EME2: variants seen among roughly 807,000 people sequenced by gnomAD.
EME2 encodes essential meiotic structure-specific endonuclease subunit 2.
Under a neutral mutation model 41.9 loss-of-function variants are expected in EME2, and 58 were observed. The ratio of observed to expected loss-of-function variants is 1.38; its 90% CI spans 1.12 to 1.72. The LOEUF (loss-of-function observed/expected upper bound fraction) is 1.72. Ranked by LOEUF, EME2 falls within the 40% of genes most tolerant of loss-of-function variation. The pLI is 0.00. For synonymous variants in EME2, 334 were observed against 239.3 expected (o/e 1.40, Z -3.65); for missense variants, 695 against 541.9 (o/e 1.28, Z -2.81).
In EME2 at chr16:1,778,729, G is replaced by A; in HGVS notation, c.*2491G>A. 8.4e-7 allele frequency: 1 copy of A among 1,187,688 alleles called. No individual in the cohort carries two copies. Among genetic ancestry groups the A allele is most frequent in the Non-Finnish European group, 1.1e-6 (1 of 872,226 alleles). The allele number at this position is 1,187,688 out of a possible 1,614,324, so 73.6% of individuals were successfully genotyped here. On this transcript the variant is annotated 3_prime_UTR_variant, in exon 8 of 8. Transcript: ENST00000568449. ...CACCCAGGAAAGGATGGGGGTCCAG[G>A]CCTCCAGGGACTTCACAGTACCCCG...
chr16:1,775,163 CT>C, intron 4 of EME2, 31 bp downstream of exon 4: 1 of 1,607,394 alleles, frequency 6.2e-7, no homozygotes, highest in East Asian at 2.2e-5. Flanking sequence ...CACAGCAGGG[CT>C]GGCTGGGACG....
chr16:1,781,547 C>T lies in EME2; in HGVS notation c.*5309C>T. The T allele has an allele frequency of 1.3e-6, 2 of 1,575,274 alleles. No individual in the cohort carries two copies. The highest frequency in any genetic ancestry group is 1.2e-5 in the South Asian group (1 of 86,362). The stretch of plus-strand genomic sequence containing the variant: ...AAGGAAGACTCACAGCACTCCCAGC[C>T]CTGAGCTTCCAGGCTGGGCCACGGA... On this transcript the variant is annotated 3_prime_UTR_variant, in exon 8 of 8. Transcript: ENST00000568449.
At chr16:1,775,491 G>T in intron 5 of EME2, 78 bp from the exon 6 acceptor site, 1 of 1,595,220 alleles carries the variant, frequency 6.3e-7, no homozygotes. Context: ...TCCCAGCGTG[G>T]TACATGGGGC....
At position 1,774,334 on chromosome 16, in the gene EME2, C is replaced by T. The variant is rs768776443; in HGVS notation, c.459C>T (p.Gly153=). 2 of 1,612,554 alleles carry T rather than the reference C, an allele frequency of 1.2e-6. No individual in the cohort carries two copies. The highest frequency in any genetic ancestry group is 1.1e-5 in the South Asian group (1 of 91,092). The change falls in exon 3 of 8, where the codon GGC becomes GGT. Residue 153 remains glycine, a synonymous_variant. Transcript: ENST00000568449. The stretch of plus-strand genomic sequence containing the variant: ...TGGAGCCCGAGGAGTTTCTGCAGGG[C>T]GTCGCCACACTGACCCAGGTGCTCG... The part of the protein sequence containing the change: ...LLLEPEEFLQ[G]VATLTQISGP...
rs1173398562 is a variant in EME2, at chr16:1,777,841, G to A, written c.*1603G>A. 18 of 1,612,834 alleles carry A rather than the reference G, an allele frequency of 1.1e-5. No individual in the cohort carries two copies. In the East Asian group the frequency reaches 3.6e-4, roughly 32 times the overall value. ...AGCCCTGGCCGAACCGCGATGAGAA[G>A]CTGGTCTTGTCGCCCTTGTGGTGGA... is the stretch of plus-strand genomic sequence containing the variant. On this transcript the variant is annotated 3_prime_UTR_variant, in exon 8 of 8. Transcript: ENST00000568449.
Position 1,780,067 on chromosome 16 carries a change from A to G in EME2, c.*3829A>G, listed in dbSNP as rs1896662217. On this transcript the variant is annotated 3_prime_UTR_variant, in exon 8 of 8. Coordinates refer to ENST00000568449, the MANE Select transcript of EME2 (RefSeq NM_001257370.2). ...TCCCAGGACACCTGGCTGAGCCGGA[A>G]CAGCAGCGCAGGGGAGCTGTGACAG... The G allele has an allele frequency of 1.3e-5, 2 of 152,288 alleles. No homozygotes were observed. Among genetic ancestry groups the G allele is most frequent in the Admixed American group, 1.3e-4 (2 of 15,270 alleles). 9.4% of individuals were successfully genotyped at this position (152,288 alleles called of 1,614,324 possible).
At position 1,777,100 on chromosome 16, in the gene EME2, G is replaced by C. The variant is rs759320670; in HGVS notation, c.*862G>C. The C allele has an allele frequency of 1.2e-6, 2 of 1,610,760 alleles. No individual in the cohort carries two copies. The highest frequency in any genetic ancestry group is 3.3e-5 in the Admixed American group (2 of 59,942). ...GGCAGTTCCACTGGGAAGTCAGTCA[G>C]GTCCGGCGGCAGCGCTTCCTCTGGC... On this transcript the variant is annotated 3_prime_UTR_variant, in exon 8 of 8. Coordinates refer to ENST00000568449, the MANE Select transcript of EME2 (RefSeq NM_001257370.2).
In EME2 at chr16:1,781,571, G is replaced by C; in HGVS notation, c.*5333G>C. ...CCCTGAGCTTCCAGGCTGGGCCACG[G>C]ACCCACTCAAAGTGGGGACTGCAGG... On this transcript the variant is annotated 3_prime_UTR_variant, in exon 8 of 8. Coordinates refer to ENST00000568449, the MANE Select transcript of EME2 (RefSeq NM_001257370.2). 2 of 1,518,040 alleles carry C rather than the reference G, an allele frequency of 1.3e-6. No individual in the cohort carries two copies. The highest frequency in any genetic ancestry group is 8.9e-7 in the Non-Finnish European group (1 of 1,124,628). The allele number at this position is 1,518,040 out of a possible 1,614,324, so 94.0% of individuals were successfully genotyped here. A position where few individuals can be genotyped will look rare whatever the true frequency, so the allele number is the denominator to read the frequency against.
chr16:1,777,028 G>T lies in EME2; in HGVS notation c.*790G>T. 2 of 1,526,588 alleles carry T rather than the reference G, an allele frequency of 1.3e-6. No homozygotes were observed. 94.6% of individuals were successfully genotyped at this position (1,526,588 alleles called of 1,614,324 possible). A position where few individuals can be genotyped will look rare whatever the true frequency, so the allele number is the denominator to read the frequency against. On this transcript the variant is annotated 3_prime_UTR_variant, in exon 8 of 8. Transcript: ENST00000568449. The stretch of plus-strand genomic sequence containing the variant: ...CCCTGGAGTGTGGCTGGAAGGAAGG[G>T]ACAGAGAAAGAAGGGACAGAGGAAA...
chr16:1,773,947 T>A (rs1487756454), intron 2 of EME2, 106 bp downstream of exon 2: 8 of 1,368,892 alleles, frequency 5.8e-6, no homozygotes, highest in Non-Finnish European at 7.7e-6. Context: ...GCCGTGCGCG[T>A]CTCGCGGATG....
chr16:1,773,871 C>A, intron 2 of EME2, 30 bp downstream of exon 2: 1 of 1,517,180 alleles, frequency 6.6e-7, no homozygotes, highest in Non-Finnish European at 8.8e-7. Context: ...CGAGGGCCAG[C>A]CGCGAGTTGG....
chr16:1,775,501 CAGCTATCAGCTGTGTGTCCCGGGT>C (rs1335723392), intron 5 of EME2, 44 bp from the exon 6 acceptor site: 1 of 1,592,654 alleles, frequency 6.3e-7, no homozygotes, highest in African/African-American at 1.3e-5. Flanking sequence ...GTACATGGGG[CAGCTATCAGCTGTGTGTCCCGGGT>C]AGCCTTCCTC....
In EME2 at chr16:1,781,156, G is replaced by A; in HGVS notation, c.*4918G>A. ...TGTTCTGAGGTCCTGTCACCCCTGA[G>A]GCTGTGTGTGTCCTTTGCCAAATTA... On this transcript the variant is annotated 3_prime_UTR_variant, in exon 8 of 8. Coordinates refer to ENST00000568449, the MANE Select transcript of EME2 (RefSeq NM_001257370.2). 14 of 1,527,076 alleles carry A rather than the reference G, an allele frequency of 9.2e-6. No individual in the cohort carries two copies. The highest frequency in any genetic ancestry group is 3.9e-5 in the Admixed American group (2 of 50,806). The allele number at this position is 1,527,076 out of a possible 1,614,324, so 94.6% of individuals were successfully genotyped here. A position where few individuals can be genotyped will look rare whatever the true frequency, so the allele number is the denominator to read the frequency against.
Position 1,781,363 on chromosome 16 carries a change from C to T in EME2, c.*5125C>T. ...CCTCGCCCGCTGGAACCTACCTGCC[C>T]ATCAGAGTCGTAGCCCCAGTTAGTG... On this transcript the variant is annotated 3_prime_UTR_variant, in exon 8 of 8. Transcript: ENST00000568449. 1 of 1,612,950 alleles carries T rather than the reference C, an allele frequency of 6.2e-7. No individual in the cohort carries two copies. The highest frequency in any genetic ancestry group is 8.5e-7 in the Non-Finnish European group (1 of 1,180,018).
In EME2 at chr16:1,781,085, A is replaced by G. The variant is rs574556138; in HGVS notation, c.*4847A>G. 3.9e-6 allele frequency: 5 copies of G among 1,269,066 alleles called. No individual in the cohort carries two copies. In the African/African-American group the frequency reaches 7.4e-5, roughly 19 times the overall value. 78.6% of individuals were successfully genotyped at this position (1,269,066 alleles called of 1,614,324 possible). The stretch of plus-strand genomic sequence containing the variant: ...ACCAAAAGCAACTGCCAACCTCTCC[A>G]TGCACCATGTGTTTCAGAGGAGAAA... On this transcript the variant is annotated 3_prime_UTR_variant, in exon 8 of 8. Transcript: ENST00000568449.
At position 1,778,792 on chromosome 16, in the gene EME2, T is replaced by C; in HGVS notation, c.*2554T>C. 1 of 587,756 alleles carries C rather than the reference T, an allele frequency of 1.7e-6. No individual in the cohort carries two copies. 36.4% of individuals were successfully genotyped at this position (587,756 alleles called of 1,614,324 possible). A position where few individuals can be genotyped will look rare whatever the true frequency, so the allele number is the denominator to read the frequency against. The stretch of plus-strand genomic sequence containing the variant: ...AGGCTCCCTCCCAACGGGCTCCGGC[T>C]CTGCCCCATTCTGCATGACCAGGAG... On this transcript the variant is annotated 3_prime_UTR_variant, in exon 8 of 8. Transcript: ENST00000568449.
Position 1,773,196 on chromosome 16 carries a change from CG to C in EME2, c.-30del. On this transcript the variant is annotated 5_prime_UTR_variant, in exon 1 of 8. Transcript: ENST00000568449. Reference sequence around the variant, plus strand: ...TGTCCCAGGCTAAAGTGTTCGGTCGCGGCCGGAAGCGAGGAAGAGGTCGGTC... The same window carrying C: ...TGTCCCAGGCTAAAGTGTTCGGTCGCGCCGGAAGCGAGGAAGAGGTCGGTC... 1 of 1,437,162 alleles carries C rather than the reference CG, an allele frequency of 7.0e-7. No homozygotes were observed. Among genetic ancestry groups the C allele is most frequent in the Non-Finnish European group, 9.1e-7 (1 of 1,104,254 alleles). The allele number at this position is 1,437,162 out of a possible 1,614,324, so 89.0% of individuals were successfully genotyped here.
In EME2 at chr16:1,775,345, G is replaced by T; in HGVS notation, c.600G>T (p.Gln200His). 1 of 1,611,112 alleles carries T rather than the reference G, an allele frequency of 6.2e-7. No homozygotes were observed. The change falls in exon 5 of 8, where the codon CAG becomes CAT. Residue 200 changes from glutamine to histidine, a missense_variant. Gln to His is a conservative substitution (Grantham distance 24). Transcript: ENST00000568449. ...WSRQHVSRGT[Q>H]QPESPKVAGA... ...GCCAGCACGTTTCCCGGGGGACACA[G>T]CAGCCAGAGAGCCCGAAGGTGGCCG...
intron 2 of EME2, 76 bp downstream of exon 2, chr16:1,773,917 C>A: frequency 6.9e-7 from 1 of 1,459,690 alleles, no homozygotes; most frequent in Non-Finnish European, 9.0e-7. Flanking sequence ...CTGGAGCTGT[C>A]CCTGAGGCAG....
Sources: allele counts gnomAD v4.1 joint callset, GRCh38; gene constraint gnomAD v4.1.1; transcripts MANE v1.5; gene names NCBI Gene and HGNC (gene_info 2026-07-23, HGNC 2026-07-21).